RSRP1: variants seen among roughly 807,000 people sequenced by gnomAD.
RSRP1 encodes the protein arginine/serine-rich protein 1.
In RSRP1, 37 loss-of-function variants were observed where a neutral mutation model predicts 33.0. The observed-to-expected ratio is 1.12, with a 90% CI of 0.86 to 1.48. The LOEUF is 1.48. Among genes scored for constraint, RSRP1 ranks in the 40% most tolerant of loss-of-function variants. The pLI, the probability that RSRP1 is intolerant of heterozygous loss-of-function variation, is 0.00. For synonymous variants in RSRP1, 167 were observed against 158.7 expected (o/e 1.05, Z -0.40); for missense variants, 402 against 385.3 (o/e 1.04, Z -0.36).
Position 25,246,918 on chromosome 1 carries a change from T to C in RSRP1, c.46A>G (p.Lys16Glu), listed in dbSNP as rs1553133081. 6.3e-7 allele frequency: 1 copy of C among 1,595,426 alleles called. No individual in the cohort carries two copies. The highest frequency in any genetic ancestry group is 1.7e-5 in the Admixed American group (1 of 58,140). The change falls in exon 2 of 5, where the codon AAG (lysine) becomes GAG (glutamate). Residue 16 changes from lysine (K) to glutamate (E), a missense_variant. Physicochemically the swap from Lys to Glu is moderately conservative, Grantham distance 56 (BLOSUM62 1). Coordinates refer to ENST00000243189, the MANE Select transcript of RSRP1 (RefSeq NM_020317.5). ...NDMWPGSPQE[K>E]DSPSTSRSGG... ...GACCGCGAGGTCGAGGGCGAATCCT[T>C]CTCCTGCGGCGAGCCCGGCCACATG...
At chr1:25,316,076 G>T (rs1557561144) in intron 1 of RSRP1, among the ~76,000 whole-genome samples, 1 of 131,134 alleles carries the variant, frequency 7.6e-6, no homozygotes, top group East Asian at 1.9e-4. Context: ...CTATCCGTGG[G>T]GCTGCAGTGA....
chr1:25,295,936 C>T lies in RSRP1; in HGVS notation c.-67+42042G>A, dbSNP rs1455917772. Among the ~76,000 whole-genome samples the T allele has an allele frequency of 2.8e-5, 3 of 106,176 alleles. 1 individual carries two copies. Among genetic ancestry groups the T allele is most frequent in the Non-Finnish European group, 6.2e-5 (3 of 48,028 alleles). The allele number at this position is 106,176 out of a possible 152,430, so 69.7% of individuals were successfully genotyped here. A position where few individuals can be genotyped will look rare whatever the true frequency, so the allele number is the denominator to read the frequency against. ...GGATTGCAATGTTGCAATCTTGGCT[C>T]ACTGCAACTTCTGCCTTCCAGGTTC... On this transcript the variant is annotated intron_variant, in intron 1 of 1. Transcript: ENST00000561867.
Position 25,274,692 on chromosome 1 carries a change from G to C in RSRP1, c.-66-27663C>G, listed in dbSNP as rs1640787573. Among the ~76,000 whole-genome samples the C allele has an allele frequency of 1.5e-5, 2 of 133,572 alleles. 1 individual carries two copies. 87.6% of individuals were successfully genotyped at this position (133,572 alleles called of 152,430 possible). A position where few individuals can be genotyped will look rare whatever the true frequency, so the allele number is the denominator to read the frequency against. The stretch of plus-strand genomic sequence containing the variant: ...GCAGACTGAGCCTGGGCTTAACATT[G>C]CATTGCCCTGGAGCCTAAAAGGGGA... On this transcript the variant is annotated intron_variant, in intron 1 of 1. Coordinates refer to the RSRP1 transcript ENST00000561867.
upstream of RSRP1, chr1:25,247,831 G>A (rs915995171): frequency 9.8e-5 from 15 of 152,578 alleles, no homozygotes; most frequent in African/African-American, 3.6e-4. Flanking sequence ...AGGGCCGGGA[G>A]AGGAGCGGCT....
At chr1:25,250,350 G>A (rs907505272), upstream of RSRP1, among the ~76,000 whole-genome samples, 1 of 152,136 alleles carries the variant, frequency 6.6e-6, no homozygotes, top group Admixed American at 6.6e-5. Context: ...TCCCTTAGGG[G>A]GATAAAGAGG....
intron 1 of RSRP1, among the ~76,000 whole-genome samples, chr1:25,292,484 T>G (rs1642594593): frequency 4.5e-5 from 6 of 132,038 alleles, no homozygotes; most frequent in Admixed American, 4.4e-4. Context: ...GCTGATAGAC[T>G]GCACGTGGGG....
intron 1 of RSRP1, chr1:25,337,025 C>G (rs1039707498): frequency 6.3e-6 from 1 of 157,902 alleles, no homozygotes; most frequent in Non-Finnish European, 1.4e-5. Flanking sequence ...TATCTCTTAA[C>G]GACAATTGAC....
At position 25,276,023 on chromosome 1, in the gene RSRP1, A is replaced by G. The variant is rs1490744685; in HGVS notation, c.-66-28994T>C. On this transcript the variant is annotated intron_variant, in intron 1 of 1. Transcript: ENST00000561867. The stretch of plus-strand genomic sequence containing the variant: ...TAAACTTAGGTAACTTAATCTGTCA[A>G]TCCACTTAATTGAATTCAGTCCTGG... Among the ~76,000 whole-genome samples the G allele has an allele frequency of 3.0e-5, 4 of 132,182 alleles. 1 individual carries two copies. The highest frequency in any genetic ancestry group is 1.0e-4 in the African/African-American group (4 of 38,774). 86.7% of individuals were successfully genotyped at this position (132,182 alleles called of 152,430 possible). A position where few individuals can be genotyped will look rare whatever the true frequency, so the allele number is the denominator to read the frequency against.
Position 25,305,048 on chromosome 1 carries a change from T to A in RSRP1, c.-67+32930A>T, listed in dbSNP as rs1341211050. On this transcript the variant is annotated intron_variant, in intron 1 of 1. Transcript: ENST00000561867. Reference sequence around the variant, plus strand: ...TCAAGCTATAGTTTAGTGAGCGAAATGGATACACACAATACAGTGTGAGAA... The same window carrying A: ...TCAAGCTATAGTTTAGTGAGCGAAAAGGATACACACAATACAGTGTGAGAA... Among the ~76,000 whole-genome samples, 4 of 132,420 alleles carry A rather than the reference T, an allele frequency of 3.0e-5. 1 individual carries two copies. Among genetic ancestry groups the A allele is most frequent in the Admixed American group, 2.9e-4 (4 of 13,648 alleles). The allele number at this position is 132,420 out of a possible 152,430, so 86.9% of individuals were successfully genotyped here.
chr1:25,301,080 G>T (rs141287614), intron 1 of RSRP1: 2 of 1,376,570 alleles, frequency 1.5e-6, no homozygotes, highest in Admixed American at 3.6e-5. Flanking sequence ...TACCCAGTTT[G>T]TCTGCCATGC....
chr1:25,290,621 G>C, intron 1 of RSRP1: 1 of 1,366,298 alleles, frequency 7.3e-7, no homozygotes, highest in Non-Finnish European at 1.0e-6. Context: ...AGTCGTCCTG[G>C]CTCTCCCTCT....
rs752237488 is a variant in RSRP1 at position 25,321,950 on chromosome 1, A to C, written c.-67+16028T>G. On this transcript the variant is annotated intron_variant, in intron 1 of 1. Coordinates refer to the RSRP1 transcript ENST00000561867. ...ATGAGGCTAAATATTTTGATGACCA[A>C]GTTTTCTGGAAGGTAAGATTTTTCA... 2 of 1,323,414 alleles carry C rather than the reference A, an allele frequency of 1.5e-6. 1 individual carries two copies. The highest frequency in any genetic ancestry group is 3.6e-5 in the Admixed American group (2 of 55,910). 82.0% of individuals were successfully genotyped at this position (1,323,414 alleles called of 1,614,324 possible).
At chr1:25,286,670 C>CA (rs1412897896) in intron 1 of RSRP1, among the ~76,000 whole-genome samples, 7 of 133,944 alleles carry the variant, frequency 5.2e-5, no homozygotes, top group Admixed American at 5.0e-4. Context: ...CCTGTAGTCC[C>CA]AGCCACTCGG....
At chr1:25,338,175 C>A (rs3093564), upstream of RSRP1, 1 of 152,180 alleles carries the variant, frequency 6.6e-6, no homozygotes, top group Non-Finnish European at 1.5e-5. Context: ...CAAACTAGCA[C>A]TCCCGACGTC....
In RSRP1 at chr1:25,242,841, A is replaced by G. The variant is rs144946321; in HGVS notation, c.757-136T>C. 1,046 of 629,280 alleles carry G rather than the reference A, an allele frequency of 1.7e-3. 1 individual carries two copies. The highest frequency in any genetic ancestry group is 2.6e-3 in the Non-Finnish European group (949 of 360,658). The allele number at this position is 629,280 out of a possible 1,614,324, so 39.0% of individuals were successfully genotyped here. A position where few individuals can be genotyped will look rare whatever the true frequency, so the allele number is the denominator to read the frequency against. On this transcript the variant is annotated intron_variant, in intron 4 of 4. Coordinates refer to ENST00000243189, the MANE Select transcript of RSRP1 (RefSeq NM_020317.5). ...GCTGGGCGCGGTGGCTCACGCCTGT[A>G]ATCCCAGCACTTTGGAAGGCTGACA...
rs368054116 is a variant in RSRP1 at position 25,246,729 on chromosome 1, G to C, written c.235C>G (p.Arg79Gly). 4.4e-6 allele frequency: 7 copies of C among 1,607,394 alleles called. No homozygotes were observed. Among genetic ancestry groups the C allele is most frequent in the South Asian group, 1.1e-5 (1 of 90,910 alleles). The part of the protein sequence containing the change: ...RHQRKYRRYS[R>G]SYSRSRSRSR... ...CGCGACCGGCTCCGCGAGTATGACC[G>C]CGAGTAGCGCCTGTACTTCCGCTGG... Residue 79 changes from arginine (R) to glycine (G), a missense_variant, in exon 2 of 5, where the codon CGG (arginine) becomes GGG (glycine). Transcript: ENST00000243189.
intron 1 of RSRP1, among the ~76,000 whole-genome samples, chr1:25,277,183 A>ATTGGAGTCT (rs1641088896): frequency 7.5e-6 from 1 of 133,062 alleles, no homozygotes; most frequent in African/African-American, 2.6e-5. Flanking sequence ...CCCTTAGGGC[A>ATTGGAGTCT]CCTTCCAAAG....
At position 25,272,511 on chromosome 1, in the gene RSRP1, G is replaced by A. The variant is rs1202274980; in HGVS notation, c.-66-25482C>T. 2.6e-6 allele frequency: 4 copies of A among 1,557,098 alleles called. 1 individual carries two copies. The South Asian group carries it at 3.4e-5, about 13-fold the overall frequency. On this transcript the variant is annotated intron_variant, in intron 1 of 1. Transcript: ENST00000561867. ...GGTGTTGGAGAGAGGGGTGATGCCT[G>A]GTGCTGGTGGAACCCCTGCACAGAG... is the stretch of plus-strand genomic sequence containing the variant.
intron 2 of RSRP1, chr1:25,245,857 C>A (rs1639335090): frequency 6.4e-6 from 1 of 156,054 alleles, no homozygotes; most frequent in African/African-American, 2.4e-5. Flanking sequence ...ATAATTATCA[C>A]AACCACTGAA....
Sources: gnomAD v4.1 joint callset for allele counts (sites outside exome capture counted in the v4.1 genomes callset) on GRCh38, gnomAD v4.1.1 for gene constraint, MANE v1.5 for transcripts, NCBI Gene and HGNC (gene_info 2026-07-23, HGNC 2026-07-21) for gene names.